Variants in BAZ2B observed in about 807,000 individuals in gnomAD.
BAZ2B encodes bromodomain adjacent to zinc finger domain protein 2B.
Under a neutral mutation model 246.0 loss-of-function variants are expected in BAZ2B, and 91 were observed. The observed-to-expected ratio is 0.37, with a 90% CI of 0.31 to 0.44. The LOEUF (loss-of-function observed/expected upper bound fraction) is 0.44. Among genes scored for constraint, BAZ2B ranks in the 20% least tolerant of loss-of-function variants. The probability of loss-of-function intolerance (pLI) is 1.00; values close to 1 mark genes in which losing one functional copy is unlikely to be tolerated. For synonymous variants in BAZ2B, 855 were observed against 860.0 expected (o/e 0.99, Z 0.10); for missense variants, 2,332 against 2,533.7 (o/e 0.92, Z 1.71).
chr2:159,689,140 G>A, the BAZ2B span: 2 of 368,972 alleles, frequency 5.4e-6, no homozygotes, highest in Admixed American at 8.8e-5. Flanking sequence ...ACATCAACTT[G>A]TCTAGCTCCA....
chr2:159,359,777 A>C (rs1261640611), intron 27 of BAZ2B, among the ~76,000 whole-genome samples: 1 of 152,134 alleles, frequency 6.6e-6, no homozygotes, highest in Non-Finnish European at 1.5e-5. Context: ...TGGCTTCATC[A>C]CTGGGGTGCA....
chr2:159,433,759 A>C (rs1192428381), intron 8 of BAZ2B: 2 of 164,578 alleles, frequency 1.2e-5, no homozygotes, highest in African/African-American at 4.8e-5. Flanking sequence ...TCCCAGCCAG[A>C]AGCATTCTTT....
At chr2:159,576,912 CAAAAA>C (rs34337483) in intron 1 of BAZ2B, among the ~76,000 whole-genome samples, 14 of 51,152 alleles carry the variant, frequency 2.7e-4, no homozygotes, top group African/African-American at 4.4e-4. Flanking sequence ...GACTGTGTCT[CAAAAA>C]AAAAAAAAAA....
chr2:159,374,588 C>T (rs878958880), intron 26 of BAZ2B, 103 bp downstream of exon 26: 1 of 954,830 alleles, frequency 1.0e-6, no homozygotes, highest in Non-Finnish European at 1.6e-6. Flanking sequence ...AATTACTCAC[C>T]AAAAGCCTAT....
intron 1 of BAZ2B, among the ~76,000 whole-genome samples, chr2:159,593,027 T>G (rs747082450): frequency 1.2e-4 from 18 of 152,336 alleles, no homozygotes; most frequent in Middle Eastern, 3.4e-3. Flanking sequence ...AGATTTGTGA[T>G]GCAGTTTGGC....
At chr2:159,452,218 C>T (rs2075188626) in intron 4 of BAZ2B, among the ~76,000 whole-genome samples, 1 of 152,226 alleles carries the variant, frequency 6.6e-6, no homozygotes, top group African/African-American at 2.4e-5. Flanking sequence ...ATTTAACCAT[C>T]TATCCTTTCT....
chr2:159,554,008 C>T (rs922879697), intron 2 of BAZ2B, among the ~76,000 whole-genome samples: 1 of 152,080 alleles, frequency 6.6e-6, no homozygotes. Flanking sequence ...TGAAATCTAC[C>T]CTCTTTTCTT....
At chr2:159,678,536 A>C in the BAZ2B span, among the ~76,000 whole-genome samples, 1 of 152,190 alleles carries the variant, frequency 6.6e-6, no homozygotes, top group African/African-American at 2.4e-5. Context: ...CTAGTGGTGC[A>C]TGCCTATAGT....
At chr2:159,696,607 C>G in the BAZ2B span, among the ~76,000 whole-genome samples, 1 of 152,166 alleles carries the variant, frequency 6.6e-6, no homozygotes, top group Non-Finnish European at 1.5e-5. Context: ...TCACTAGCTT[C>G]TTTCTTCTCC....
chr2:159,396,398 AGTCTT>A (rs1559251413), intron 19 of BAZ2B: 1 of 152,232 alleles, frequency 6.6e-6, no homozygotes, highest in African/African-American at 2.4e-5. Context: ...TAGTTAAACT[AGTCTT>A]GTTTCACATA....
intron 1 of BAZ2B, among the ~76,000 whole-genome samples, chr2:159,598,678 C>T (rs1200316624): frequency 6.6e-6 from 1 of 151,904 alleles, no homozygotes; most frequent in Non-Finnish European, 1.5e-5. Context: ...CCAGCCTGGC[C>T]AACATGGTGA....
intron 1 of BAZ2B, among the ~76,000 whole-genome samples, chr2:159,601,020 C>T (rs751960311): frequency 5.3e-5 from 8 of 152,136 alleles, no homozygotes; most frequent in African/African-American, 9.7e-5. Flanking sequence ...TCAGGTGTGC[C>T]AAGTTCTCCC....
upstream of BAZ2B, among the ~76,000 whole-genome samples, chr2:159,618,289 A>G (rs544499414): frequency 9.3e-4 from 141 of 152,300 alleles, no homozygotes; most frequent in African/African-American, 3.2e-3. Flanking sequence ...TAAGGTTCAA[A>G]TGCATAATTT....
intron 35 of BAZ2B, among the ~76,000 whole-genome samples, 173 bp from the exon 36 acceptor site, chr2:159,325,127 ATATATATATAT>A (rs2063487162): frequency 1.7e-4 from 5 of 29,222 alleles, no homozygotes; most frequent in African/African-American, 8.1e-4. Context: ...TTATATATAT[ATATATATATAT>A]ATATATATAT....
rs140474416 is a variant in BAZ2B, at chr2:159,363,620, G to A, written c.4213+9425C>T. Among the ~76,000 whole-genome samples, 743 of 152,300 alleles carry A rather than the reference G, an allele frequency of 4.9e-3. 7 individuals are homozygous for A. The highest frequency in any genetic ancestry group is 0.017 in the African/African-American group (701 of 41,550). ...GAAGGAACAAAAGAAGGAGTAGACC[G>A]ATAGGCTGAACTCAGGCAATCTCCC... On this transcript the variant is annotated intron_variant, in intron 27 of 36. Coordinates refer to ENST00000392783, the MANE Select transcript of BAZ2B (RefSeq NM_013450.4).
At chr2:159,393,059 T>C (rs1248448071) in intron 20 of BAZ2B, among the ~76,000 whole-genome samples, 1 of 152,070 alleles carries the variant, frequency 6.6e-6, no homozygotes, top group African/African-American at 2.4e-5. Flanking sequence ...CATGTGAATA[T>C]TTGGTGGAAA....
intron 20 of BAZ2B, among the ~76,000 whole-genome samples, chr2:159,394,361 C>T (rs570925342): frequency 7.9e-5 from 12 of 152,174 alleles, no homozygotes; most frequent in African/African-American, 1.9e-4. Context: ...TCCTGGAATA[C>T]GTTACCTCTC....
chr2:159,613,190 A>G (rs902179427), intron 1 of BAZ2B, among the ~76,000 whole-genome samples: 2 of 152,132 alleles, frequency 1.3e-5, no homozygotes, highest in African/African-American at 4.8e-5. Context: ...TCCTTCCTTC[A>G]TTTAATAAGT....
In BAZ2B at chr2:159,350,151, C is replaced by T; in HGVS notation, c.4420G>A (p.Glu1474Lys). ...GACTCAGGAGGCATCTTAGCTACTT[C>T]CAAAAGCTTGCTTAATTTGGAAAAA... Reference protein sequence around the residue: ...GSFSKLSKLLEVAKMPPESEV... With the variant: ...GSFSKLSKLLKVAKMPPESEV... The change falls in exon 28 of 37, where the codon GAA becomes AAA. Residue 1474 changes from glutamate to lysine, a missense_variant. Glu to Lys is a moderately conservative substitution (Grantham distance 56). Coordinates refer to ENST00000392783, the MANE Select transcript of BAZ2B (RefSeq NM_013450.4). 6.2e-7 allele frequency: 1 copy of T among 1,614,038 alleles called. No homozygotes were observed.
Sources: gnomAD v4.1 joint callset for allele counts (sites outside exome capture counted in the v4.1 genomes callset) on GRCh38, gnomAD v4.1.1 for gene constraint, MANE v1.5 for transcripts, NCBI Gene and HGNC (gene_info 2026-07-23, HGNC 2026-07-21) for gene names.